Variants in CHORDC1 observed in about 807,000 individuals in gnomAD.
CHORDC1 encodes cysteine and histidine rich domain containing 1, also known as cysteine and histidine-rich domain-containing protein 1.
In CHORDC1, 25 loss-of-function variants were observed where a neutral mutation model predicts 48.3. The observed-to-expected ratio is 0.52, with a 90% CI of 0.38 to 0.72. The LOEUF is 0.72. CHORDC1 is among the 30% of genes least tolerant of loss of function. CHORDC1 has a pLI of 0.00. For missense variants in CHORDC1, 317 were observed against 388.7 expected (o/e 0.82, Z 1.55); for synonymous variants, 128 against 126.4 (o/e 1.01, Z -0.09).
Position 90,202,477 on chromosome 11 carries a change from C to G in CHORDC1, c.927G>C (p.Pro309=). ...KIEITMRKAE[P]MQWASLELPA... is the part of the protein sequence containing the mutation. Reference sequence around the variant, plus strand: ...GCAGTTCAAGGCTTGCCCACTGCATCGGTTCAGCTTTTCTCATAGTGATTT... The same window carrying G: ...GCAGTTCAAGGCTTGCCCACTGCATGGGTTCAGCTTTTCTCATAGTGATTT... Residue 309 remains proline, a synonymous_variant, in exon 11 of 11, where the codon CCG becomes CCC. Coordinates refer to ENST00000320585, the MANE Select transcript of CHORDC1 (RefSeq NM_012124.3). 1 of 1,612,498 alleles carries G rather than the reference C, an allele frequency of 6.2e-7. No individual in the cohort carries two copies. The highest frequency in any genetic ancestry group is 8.5e-7 in the Non-Finnish European group (1 of 1,179,628).
At chr11:90,217,694 G>A (rs1055227336) in intron 2 of CHORDC1, 1 of 152,316 alleles carries the variant, frequency 6.6e-6, no homozygotes, top group Non-Finnish European at 1.5e-5. Context: ...GAGGTCAGGA[G>A]TTCGAGACCA....
At chr11:90,213,956 AG>A (rs1315695122) in intron 4 of CHORDC1, 61 bp downstream of exon 4, 13 of 1,346,230 alleles carry the variant, frequency 9.7e-6, no homozygotes, top group Non-Finnish European at 1.3e-5. Context: ...CATAAAGGAA[AG>A]TACCATGCAC....
chr11:90,214,132 G>A lies in CHORDC1; in HGVS notation c.215C>T (p.Pro72Leu), dbSNP rs1161038424. 2 of 1,613,258 alleles carry A rather than the reference G, an allele frequency of 1.2e-6. No individual in the cohort carries two copies. Among genetic ancestry groups the A allele is most frequent in the African/African-American group, 1.3e-5 (1 of 74,994 alleles). The change falls in exon 4 of 11, where the codon CCA becomes CTA. Residue 72 changes from proline to leucine, a missense_variant. Transcript: ENST00000320585. The part of the protein sequence containing the change: ...GRHNSEKPPE[P>L]VKPEVKTTEK... ...AGTAGTCTTGACTTCAGGTTTGACT[G>A]GCTCAGGTGGCTTCTCACTATTATG...
chr11:90,207,726 C>CA (rs1469779382), intron 6 of CHORDC1: 1 of 78,660 alleles, frequency 1.3e-5, no homozygotes, highest in East Asian at 3.7e-4. Context: ...AAAACCATGA[C>CA]AAAACACTAT....
intron 4 of CHORDC1, 185 bp from the exon 5 acceptor site, chr11:90,211,503 A>T: frequency 2.1e-6 from 1 of 480,974 alleles, no homozygotes; most frequent in South Asian, 2.4e-5. Context: ...GTCTTAACAG[A>T]AAAGCTCCTT....
At chr11:90,208,650 TCAGAAA>T (rs1209198510) in intron 6 of CHORDC1, 9 of 152,208 alleles carry the variant, frequency 5.9e-5, no homozygotes, top group Admixed American at 4.6e-4. Flanking sequence ...TACATTAAAC[TCAGAAA>T]CAGAAAAAAC....
intron 2 of CHORDC1, 30 bp from the exon 3 acceptor site, chr11:90,215,260 A>T: frequency 6.8e-7 from 1 of 1,460,788 alleles, no homozygotes; most frequent in Non-Finnish European, 9.3e-7. Context: ...GAAACTAAAA[A>T]CTCTATTTGC....
In CHORDC1 at chr11:90,201,635, C is replaced by T. The variant is rs1857546433; in HGVS notation, c.*770G>A. ...ACTAAAGGTTTTAAGAGGGCTTAGT[C>T]TCTAAATCAGTAACAATTAGTCATA... On this transcript the variant is annotated 3_prime_UTR_variant, in exon 11 of 11. Coordinates refer to ENST00000320585, the MANE Select transcript of CHORDC1 (RefSeq NM_012124.3). 1 of 152,276 alleles carries T rather than the reference C, an allele frequency of 6.6e-6. No individual in the cohort carries two copies. Among genetic ancestry groups the T allele is most frequent in the African/African-American group, 2.4e-5 (1 of 41,400 alleles). The allele number at this position is 152,276 out of a possible 1,614,324, so 9.4% of individuals were successfully genotyped here.
Position 90,211,201 on chromosome 11 carries a change from A to C in CHORDC1, c.433+14T>G, listed in dbSNP as rs1857851419. 6.6e-7 allele frequency: 1 copy of C among 1,506,488 alleles called. No individual in the cohort carries two copies. Among genetic ancestry groups the C allele is most frequent in the African/African-American group, 1.4e-5 (1 of 72,304 alleles). 93.3% of individuals were successfully genotyped at this position (1,506,488 alleles called of 1,614,324 possible). A position where few individuals can be genotyped will look rare whatever the true frequency, so the allele number is the denominator to read the frequency against. On this transcript the variant is annotated intron_variant, in intron 5 of 10. Coordinates refer to ENST00000320585, the MANE Select transcript of CHORDC1 (RefSeq NM_012124.3). The stretch of plus-strand genomic sequence containing the variant: ...CCAGAAAATAATTAACAATAAAACA[A>C]AATAAAATCTTACCTTTCTTATTTT...
intron 4 of CHORDC1, 65 bp downstream of exon 4, chr11:90,213,953 G>A (rs1197697997): frequency 7.5e-7 from 1 of 1,336,482 alleles, no homozygotes; most frequent in Non-Finnish European, 1.0e-6. Context: ...AATCATAAAG[G>A]AAAGTACCAT....
chr11:90,206,732 A>T (rs1167792010), intron 6 of CHORDC1: 1 of 1,248,814 alleles, frequency 8.0e-7, no homozygotes. Context: ...TATAAAGGGT[A>T]AAATGAGCTG....
chr11:90,202,541 A>C lies in CHORDC1; in HGVS notation c.863T>G (p.Val288Gly), dbSNP rs1394975556. The C allele has an allele frequency of 6.2e-7, 1 of 1,613,246 alleles. No homozygotes were observed. Among genetic ancestry groups the C allele is most frequent in the Non-Finnish European group, 8.5e-7 (1 of 1,179,522 alleles). Residue 288 changes from valine (V) to glycine (G), a missense_variant, in exon 11 of 11, where the codon GTA becomes GGA. By Grantham distance (109) the Val-to-Gly change is moderately radical. Transcript: ENST00000320585. ...QNVKLWGVID[V>G]KRSYVTMTAT... is the part of the protein sequence containing the mutation. ...AGTCATAGTTACATAACTTCGCTTT[A>C]CATCAATCACCTGTAACATATCAAA...
chr11:90,211,525 G>GTT (rs1480203777), intron 4 of CHORDC1: 6 of 417,892 alleles, frequency 1.4e-5, no homozygotes, highest in Non-Finnish European at 2.1e-5. Flanking sequence ...TATTAGAATA[G>GTT]TAAGTCTCAA....
rs768739071 is a variant in CHORDC1, at chr11:90,206,234, T to C, written c.531A>G (p.Val177=). The change falls in exon 7 of 11, where the codon GTA becomes GTG. Residue 177 remains valine, a synonymous_variant. Transcript: ENST00000320585. The part of the protein sequence containing the change: ...QGLESLEEVC[V]YHSGVPIFHE... Reference sequence around the variant, plus strand: ...GGAAAATAGGTACTCCAGAATGATATACACAGACTTCTTCTAGACTCTCTA... The same window carrying C: ...GGAAAATAGGTACTCCAGAATGATACACACAGACTTCTTCTAGACTCTCTA... The C allele has an allele frequency of 4.4e-5, 70 of 1,575,724 alleles. 1 individual carries two copies. The South Asian group carries it at 7.4e-4, about 17-fold the overall frequency.
chr11:90,219,253 G>C (rs1858101527), intron 1 of CHORDC1, among the ~76,000 whole-genome samples: 2 of 150,636 alleles, frequency 1.3e-5, no homozygotes, highest in African/African-American at 4.9e-5. Flanking sequence ...GACAGAGCAA[G>C]ACTCCATCTT....
At chr11:90,215,456 T>C (rs1565171877) in intron 2 of CHORDC1, among the ~76,000 whole-genome samples, 1 of 152,040 alleles carries the variant, frequency 6.6e-6, no homozygotes, top group Non-Finnish European at 1.5e-5. Context: ...CTATGCCCTA[T>C]CATCAAGGGA....
chr11:90,217,942 G>A, intron 2 of CHORDC1, 193 bp downstream of exon 2: 2 of 386,006 alleles, frequency 5.2e-6, no homozygotes, highest in South Asian at 9.3e-5. Flanking sequence ...TTTATAACTG[G>A]AAAAGACCTT....
At chr11:90,212,355 C>G (rs1429561623) in intron 4 of CHORDC1, 1 of 152,202 alleles carries the variant, frequency 6.6e-6, no homozygotes, top group Non-Finnish European at 1.5e-5. Flanking sequence ...GCTCTACCTT[C>G]TGCCATGATT....
chr11:90,203,300 G>A lies in CHORDC1; in HGVS notation c.789+8C>T, dbSNP rs1229923647. The A allele has an allele frequency of 7.0e-6, 11 of 1,576,088 alleles. No individual in the cohort carries two copies. The highest frequency in any genetic ancestry group is 9.5e-6 in the Non-Finnish European group (11 of 1,154,354). ...GAACTTTTACCCAAAATTATAAGATGTACTTACCAATGTGCTATTTGCTTC... is the reference window on the plus strand; with the variant it reads ...GAACTTTTACCCAAAATTATAAGATATACTTACCAATGTGCTATTTGCTTC... On this transcript the variant is annotated splice_region_variant and intron_variant, in intron 9 of 10. Coordinates refer to ENST00000320585, the MANE Select transcript of CHORDC1 (RefSeq NM_012124.3).
Sources: gnomAD v4.1 joint callset for allele counts (sites outside exome capture counted in the v4.1 genomes callset) on GRCh38, gnomAD v4.1.1 for gene constraint, MANE v1.5 for transcripts, NCBI Gene and HGNC (gene_info 2026-07-23, HGNC 2026-07-21) for gene names.